Variants in SLC25A22 observed in about 807,000 individuals in gnomAD.
The protein encoded by SLC25A22 is mitochondrial glutamate carrier 1.
A neutral mutation model predicts 33.7 loss-of-function variants in SLC25A22; 23 were observed. That is an observed-to-expected ratio of 0.68 (90% CI 0.49 to 0.97). The LOEUF (loss-of-function observed/expected upper bound fraction) is 0.97. SLC25A22 is among the 50% of genes least tolerant of loss of function. SLC25A22 has a pLI of 0.00. For synonymous variants in SLC25A22, 245 were observed against 203.8 expected, an observed-to-expected ratio of 1.20 and a Z score of -1.72; for missense variants, 390 against 451.1, an observed-to-expected ratio of 0.86 and a Z score of 1.23.
intron 1 of SLC25A22, chr11:797,596 G>T (rs746778654): frequency 2.5e-6 from 1 of 398,596 alleles, no homozygotes; most frequent in Non-Finnish European, 4.4e-6. Context: ...CCAAGAAGCC[G>T]CCAGGCTCCT....
intron 4 of SLC25A22, chr11:793,896 C>T (rs868695176): frequency 2.8e-5 from 15 of 539,006 alleles, no homozygotes; most frequent in South Asian, 1.4e-4. Context: ...AGGACTGCCC[C>T]GGAGCCCCTG....
intron 1 of SLC25A22, 198 bp from the exon 2 acceptor site, chr11:795,367 T>TCCCCCCCCCCCCCCCCCCC (rs1361777569): frequency 1.3e-5 from 2 of 157,410 alleles, no homozygotes; most frequent in African/African-American, 1.3e-4. Context: ...TTCCTTTCAG[T>TCCCCCCCCCCCCCCCCCCC]CCCCCCCTCC....
At position 792,076 on chromosome 11, in the gene SLC25A22, G is replaced by T. The variant is rs776086632; in HGVS notation, c.819-8C>A. 1 of 1,598,574 alleles carries T rather than the reference G, an allele frequency of 6.3e-7. No homozygotes were observed. Reference sequence around the variant, plus strand: ...TCGTGCCGCAGGATCTTCCTGTGGAGGAAGGACGAAAGGGTCAGCCCGGTA... The same window carrying T: ...TCGTGCCGCAGGATCTTCCTGTGGATGAAGGACGAAAGGGTCAGCCCGGTA... On this transcript the variant is annotated splice_region_variant and splice_polypyrimidine_tract_variant and intron_variant, in intron 9 of 9. Transcript: ENST00000628067.
At chr11:795,388 C>T (rs1286115444) in intron 1 of SLC25A22, 6 of 374,468 alleles carry the variant, frequency 1.6e-5, no homozygotes, top group African/African-American at 2.4e-5. Context: ...CCACCGCCAG[C>T]GTCTTCCCAG....
intron 4 of SLC25A22, chr11:794,237 G>C (rs1166285662): frequency 1.4e-6 from 1 of 706,460 alleles, no homozygotes; most frequent in Non-Finnish European, 2.6e-6. Context: ...CACGCACCAG[G>C]CACTAAGTGG....
Position 798,218 on chromosome 11 carries a change from A to T in SLC25A22, c.-165T>A. On this transcript the variant is annotated splice_region_variant and 5_prime_UTR_variant, in exon 1 of 10. Transcript: ENST00000628067. ...GGGAGCCGCCGGGCAGACACTCACC[A>T]CGCTCGCCGCCGCCGCCGCGCTCGC... The T allele has an allele frequency of 2.5e-6, 1 of 395,620 alleles. No individual in the cohort carries two copies. Among genetic ancestry groups the T allele is most frequent in the East Asian group, 3.6e-5 (1 of 27,928 alleles). 24.5% of individuals were successfully genotyped at this position (395,620 alleles called of 1,614,324 possible).
chr11:798,261 G>GCCT lies in SLC25A22; in HGVS notation c.-209_-208insAGG. ...GCGCTCGCCTGCCCGCCCCGCGCTC[G>GCCT]GCCAGCACCTAGGCGGGGAGGCGCG... On this transcript the variant is annotated 5_prime_UTR_variant, in exon 1 of 10. Coordinates refer to ENST00000628067, the MANE Select transcript of SLC25A22 (RefSeq NM_001191061.2). The GCCT allele has an allele frequency of 2.6e-6, 1 of 386,848 alleles. No individual in the cohort carries two copies. Among genetic ancestry groups the GCCT allele is most frequent in the East Asian group, 3.7e-5 (1 of 27,104 alleles). The allele number at this position is 386,848 out of a possible 1,614,324, so 24.0% of individuals were successfully genotyped here.
chr11:797,352 G>T (rs1464287142), intron 1 of SLC25A22, among the ~76,000 whole-genome samples: 2 of 152,136 alleles, frequency 1.3e-5, no homozygotes, highest in Non-Finnish European at 2.9e-5. Context: ...GCCCTCACTC[G>T]GCAGTTCCCA....
intron 1 of SLC25A22, chr11:795,524 G>A (rs1451432761): frequency 3.4e-5 from 11 of 322,912 alleles, no homozygotes; most frequent in South Asian, 2.6e-4. Flanking sequence ...GGAGCACCTC[G>A]ACCTGGACAG....
intron 4 of SLC25A22, chr11:793,910 C>T (rs1864660432): frequency 1.9e-6 from 1 of 522,820 alleles, no homozygotes; most frequent in South Asian, 2.0e-5. Flanking sequence ...GCCCCTGAGG[C>T]CTCCCTAGGA....
At chr11:794,565 C>T in intron 3 of SLC25A22, 52 bp from the exon 4 acceptor site, 1 of 1,598,836 alleles carries the variant, frequency 6.3e-7, no homozygotes, top group Non-Finnish European at 8.5e-7. Flanking sequence ...CAGCCGGAGG[C>T]CAGGGTCCCT....
At chr11:795,531 A>G (rs1290263738) in intron 1 of SLC25A22, 4 of 314,276 alleles carry the variant, frequency 1.3e-5, no homozygotes, top group Non-Finnish European at 2.5e-5. Context: ...CTCGACCTGG[A>G]CAGCTGTGGT....
chr11:793,391 GC>G, intron 5 of SLC25A22, 137 bp downstream of exon 5: 1 of 766,786 alleles, frequency 1.3e-6, no homozygotes. Flanking sequence ...GAGGGAGGGT[GC>G]CCCACGAGGT....
At chr11:794,105 A>G (rs1864668402) in intron 4 of SLC25A22, 1 of 572,766 alleles carries the variant, frequency 1.7e-6, no homozygotes, top group Admixed American at 2.3e-5. Context: ...TTGTGTCCTA[A>G]GCTGCTTTGC....
intron 5 of SLC25A22, among the ~76,000 whole-genome samples, chr11:793,239 G>A (rs763566811): frequency 2.6e-5 from 4 of 152,304 alleles, no homozygotes; most frequent in Non-Finnish European, 4.4e-5. Context: ...TGGGAAATTG[G>A]GGGTCAAGTG....
At chr11:796,937 G>GC (rs963192821) in intron 1 of SLC25A22, among the ~76,000 whole-genome samples, 23 of 151,728 alleles carry the variant, frequency 1.5e-4, no homozygotes, top group East Asian at 1.2e-3. Flanking sequence ...ATCCCTCCTA[G>GC]CCCCCCCCAC....
Position 790,971 on chromosome 11 carries a change from G to A in SLC25A22, c.*944C>T, listed in dbSNP as rs1473664625. 1.3e-5 allele frequency: 2 copies of A among 152,022 alleles called. No individual in the cohort carries two copies. Among genetic ancestry groups the A allele is most frequent in the Admixed American group, 6.6e-5 (1 of 15,252 alleles). The allele number at this position is 152,022 out of a possible 1,614,324, so 9.4% of individuals were successfully genotyped here. On this transcript the variant is annotated 3_prime_UTR_variant, in exon 10 of 10. Transcript: ENST00000628067. ...AGCTCCTGGCCCTCCCTCCAGAGCA[G>A]GGCAGGCACCCTCAGGCTCCACACT...
Position 798,233 on chromosome 11 carries a change from G to A in SLC25A22, c.-180C>T, listed in dbSNP as rs901325312. 1.3e-5 allele frequency: 5 copies of A among 393,996 alleles called. No individual in the cohort carries two copies. Among genetic ancestry groups the A allele is most frequent in the African/African-American group, 1.0e-4 (5 of 48,276 alleles). The allele number at this position is 393,996 out of a possible 1,614,324, so 24.4% of individuals were successfully genotyped here. ...GACACTCACCACGCTCGCCGCCGCC[G>A]CCGCGCTCGCCTGCCCGCCCCGCGC... is the stretch of plus-strand genomic sequence containing the variant. On this transcript the variant is annotated 5_prime_UTR_variant, in exon 1 of 10. Transcript: ENST00000628067.
chr11:794,801 TCTG>T lies in SLC25A22; in HGVS notation c.118_120del (p.Gln40del). The T allele has an allele frequency of 6.3e-7, 1 of 1,597,670 alleles. No individual in the cohort carries two copies. ...ATGCTCGTGTACACGCGCTGGCCGT[TCTG>T]CTGGTTCTGCAGCCTGGTCTTGGCC... On this transcript the variant is annotated inframe_deletion, in exon 3 of 10. Transcript: ENST00000628067.
Sources: gnomAD v4.1 joint callset for allele counts (sites outside exome capture counted in the v4.1 genomes callset) on GRCh38, gnomAD v4.1.1 for gene constraint, MANE v1.5 for transcripts, NCBI Gene and HGNC (gene_info 2026-07-23, HGNC 2026-07-21) for gene names.